Variants in SLC19A3 observed in about 807,000 individuals in gnomAD.
SLC19A3 encodes thiamine transporter 2.
Under a neutral mutation model 40.2 loss-of-function variants are expected in SLC19A3, and 31 were observed. That is an observed-to-expected ratio of 0.77 (90% CI 0.58 to 1.04). The LOEUF is 1.04. SLC19A3 is among the 50% of genes least tolerant of loss of function. The probability of loss-of-function intolerance (pLI) is 0.00; values close to 1 mark genes in which losing one functional copy is unlikely to be tolerated. For synonymous variants in SLC19A3, 212 were observed against 227.5 expected, an observed-to-expected ratio of 0.93 and a Z score of 0.61; for missense variants, 592 against 596.7, an observed-to-expected ratio of 0.99 and a Z score of 0.08.
chr2:227,688,149 G>A lies in SLC19A3; in HGVS notation c.1314+17C>T. The A allele has an allele frequency of 1.2e-6, 2 of 1,613,906 alleles. No individual in the cohort carries two copies. The highest frequency in any genetic ancestry group is 1.7e-6 in the Non-Finnish European group (2 of 1,179,858). ...TTTTGAGGTTACCTAGTTGAAAACA[G>A]AAGTATTGCAGCTTACCTGAATGCT... On this transcript the variant is annotated intron_variant, in intron 5 of 5. Coordinates refer to ENST00000644224, the MANE Select transcript of SLC19A3 (RefSeq NM_025243.4).
intron 4 of SLC19A3, among the ~76,000 whole-genome samples, chr2:227,693,392 T>C (rs1446012669): frequency 1.3e-5 from 2 of 152,062 alleles, no homozygotes; most frequent in East Asian, 1.9e-4. Context: ...TGTAGACCAA[T>C]GGAACAGAAG....
At chr2:227,712,050 C>CA (rs397988111) in intron 1 of SLC19A3, among the ~76,000 whole-genome samples, 20,596 of 65,268 alleles carry the variant, frequency 0.32, 5,815 homozygotes, top group Non-Finnish European at 0.38. Flanking sequence ...ACTCTGTCTC[C>CA]AAAAAAAAAA....
At chr2:227,689,940 T>A (rs1437315145) in intron 4 of SLC19A3, among the ~76,000 whole-genome samples, 1 of 152,170 alleles carries the variant, frequency 6.6e-6, no homozygotes, top group African/African-American at 2.4e-5. Flanking sequence ...GTTATCAGCT[T>A]AAAATAATGG....
intron 1 of SLC19A3, among the ~76,000 whole-genome samples, chr2:227,708,582 AAAC>A (rs1696032972): frequency 6.9e-6 from 1 of 144,184 alleles, no homozygotes. Context: ...ACAAACAAAC[AAAC>A]AAACAAACCA....
chr2:227,689,552 A>C (rs1695143293), intron 4 of SLC19A3, among the ~76,000 whole-genome samples: 1 of 152,196 alleles, frequency 6.6e-6, no homozygotes, highest in African/African-American at 2.4e-5. Flanking sequence ...ATCCCAGACA[A>C]ATAGAAGCTG....
In SLC19A3 at chr2:227,699,231, CCA is replaced by C. The variant is rs1271884981; in HGVS notation, c.482_483del (p.Leu161CysfsTer63). Reference protein sequence around the residue: ...YTAGSVLAQLLVSLANMSYFY... With the variant: ...YTAGSVLAQLXVSLANMSYFY... ...AAGTACGACATGTTCGCCAGGGATA[CCA>C]AGAGTTGAGCCAGCACCGACCCTGC... On this transcript the variant is annotated frameshift_variant, in exon 3 of 6. Transcript: ENST00000644224. LOFTEE classifies it high-confidence loss of function. The C allele has an allele frequency of 6.2e-6, 10 of 1,614,114 alleles. No homozygotes were observed. In the South Asian group the frequency reaches 1.1e-4, roughly 18 times the overall value.
rs1436436668 is a variant in SLC19A3, at chr2:227,685,399, T to C, written c.*1998A>G. On this transcript the variant is annotated 3_prime_UTR_variant, in exon 6 of 6. Transcript: ENST00000644224. ...CTACACACTTTTAAACTACCAGATCTCACGATAACTCACTGTCATGAGACC... is the reference window on the plus strand; with the variant it reads ...CTACACACTTTTAAACTACCAGATCCCACGATAACTCACTGTCATGAGACC... 1 of 152,140 alleles carries C rather than the reference T, an allele frequency of 6.6e-6. No individual in the cohort carries two copies. The highest frequency in any genetic ancestry group is 1.5e-5 in the Non-Finnish European group (1 of 68,074). The allele number at this position is 152,140 out of a possible 1,614,324, so 9.4% of individuals were successfully genotyped here.
At chr2:227,700,933 G>C (rs1223126391) in intron 2 of SLC19A3, 1 of 1,301,458 alleles carries the variant, frequency 7.7e-7, no homozygotes, top group Admixed American at 2.3e-5. Flanking sequence ...GGATCACTGA[G>C]GTTGCTGGAG....
chr2:227,688,875 A>T (rs1415666726), intron 4 of SLC19A3, among the ~76,000 whole-genome samples: 1 of 152,184 alleles, frequency 6.6e-6, no homozygotes, highest in Non-Finnish European at 1.5e-5. Flanking sequence ...GAAATTCAAG[A>T]TAACACAAAG....
intron 1 of SLC19A3, among the ~76,000 whole-genome samples, chr2:227,716,069 A>G (rs1696325735): frequency 6.6e-6 from 1 of 152,156 alleles, no homozygotes; most frequent in African/African-American, 2.4e-5. Context: ...AAATGCACTG[A>G]GAGAAGGTGG....
chr2:227,692,179 AGAG>A (rs1200187197), intron 4 of SLC19A3, among the ~76,000 whole-genome samples: 3 of 152,212 alleles, frequency 2.0e-5, no homozygotes, highest in African/African-American at 4.8e-5. Context: ...TCTAAAAAAC[AGAG>A]GAGGGAATAC....
chr2:227,717,058 A>G (rs1696359854), intron 1 of SLC19A3, among the ~76,000 whole-genome samples: 1 of 125,266 alleles, frequency 8.0e-6, no homozygotes, highest in Non-Finnish European at 1.6e-5. Flanking sequence ...GCTGGAGTGC[A>G]GTGGTGCAAT....
At position 227,699,358 on chromosome 2, in the gene SLC19A3, G is replaced by T. The variant is rs753565626; in HGVS notation, c.357C>A (p.Ala119=). Reference sequence around the variant, plus strand: ...ATATGTAGGCGTAGTAGGCCACCTCGGCGGCGGTGACCATCCCATAGAAGA... The same window carrying T: ...ATATGTAGGCGTAGTAGGCCACCTCTGCGGCGGTGACCATCCCATAGAAGA... ...VEFFYGMVTA[A]EVAYYAYIYS... Residue 119 remains alanine, a synonymous_variant, in exon 3 of 6, where the codon GCC becomes GCA. Coordinates refer to ENST00000644224, the MANE Select transcript of SLC19A3 (RefSeq NM_025243.4). The T allele has an allele frequency of 3.7e-6, 6 of 1,614,042 alleles. No homozygotes were observed. The highest frequency in any genetic ancestry group is 2.2e-5 in the East Asian group (1 of 44,892).
At chr2:227,689,290 A>T (rs1695134832) in intron 4 of SLC19A3, among the ~76,000 whole-genome samples, 1 of 152,192 alleles carries the variant, frequency 6.6e-6, no homozygotes, top group Non-Finnish European at 1.5e-5. Flanking sequence ...GATTTAACCC[A>T]AAGAAGACTA....
At chr2:227,698,675 C>T in intron 3 of SLC19A3, 61 bp downstream of exon 3, 1 of 1,435,604 alleles carries the variant, frequency 7.0e-7, no homozygotes, top group Non-Finnish European at 9.8e-7. Context: ...AGTTCGGTAC[C>T]TGGAGGAATG....
In SLC19A3 at chr2:227,699,478, G is replaced by A; in HGVS notation, c.237C>T (p.Tyr79=). Residue 79 remains tyrosine (Y), a synonymous_variant, in exon 3 of 6, where the codon TAC becomes TAT. Coordinates refer to ENST00000644224, the MANE Select transcript of SLC19A3 (RefSeq NM_025243.4). ...TACCTTGCAAGATGATGACTGGCTT[G>A]TAGCGGACATAATCGGTGAGGACAA... is the stretch of plus-strand genomic sequence containing the variant. ...PVFVLTDYVR[Y]KPVIILQGIS... 1 of 1,614,210 alleles carries A rather than the reference G, an allele frequency of 6.2e-7. No individual in the cohort carries two copies. Among genetic ancestry groups the A allele is most frequent in the African/African-American group, 1.3e-5 (1 of 75,052 alleles).
chr2:227,693,474 C>T (rs2106323661), intron 4 of SLC19A3, among the ~76,000 whole-genome samples: 1 of 152,266 alleles, frequency 6.6e-6, no homozygotes, highest in Non-Finnish European at 1.5e-5. Flanking sequence ...ATGCCAGGAA[C>T]ATACATTGGG....
At chr2:227,709,124 C>T (rs1262601224) in intron 1 of SLC19A3, among the ~76,000 whole-genome samples, 2 of 152,130 alleles carry the variant, frequency 1.3e-5, no homozygotes, top group Non-Finnish European at 2.9e-5. Context: ...AGCCCTATGT[C>T]CACAAATATT....
intron 1 of SLC19A3, among the ~76,000 whole-genome samples, chr2:227,717,400 T>C (rs1415806417): frequency 6.6e-6 from 1 of 152,300 alleles, no homozygotes; most frequent in South Asian, 2.1e-4. Context: ...CGACATTGAT[T>C]TGGTAAACAG....
Sources: allele counts gnomAD v4.1 joint callset (sites outside exome capture counted in the v4.1 genomes callset), GRCh38; gene constraint gnomAD v4.1.1; transcripts MANE v1.5; gene names NCBI Gene and HGNC (gene_info 2026-07-23, HGNC 2026-07-21).